CNTNAP2: variants seen among roughly 807,000 people sequenced by gnomAD.
CNTNAP2 encodes contactin associated protein 2, also known as contactin-associated protein-like 2.
CNTNAP2 carries 98 observed loss-of-function variants against 155.2 expected under a neutral mutation model. The ratio of observed to expected loss-of-function variants is 0.63; its 90% CI spans 0.54 to 0.75. The LOEUF is 0.75. CNTNAP2 is among the 30% of genes least tolerant of loss of function. CNTNAP2 has a pLI of 0.00. For synonymous variants in CNTNAP2, 651 were observed against 631.2 expected, an observed-to-expected ratio of 1.03 and a Z score of -0.47; for missense variants, 1,727 against 1,688.1, an observed-to-expected ratio of 1.02 and a Z score of -0.40.
chr7:146,972,092 C>G (rs1477384049), intron 3 of CNTNAP2, among the ~76,000 whole-genome samples: 1 of 151,990 alleles, frequency 6.6e-6, no homozygotes, highest in Non-Finnish European at 1.5e-5. Context: ...GACAAGATAA[C>G]CAGCTACAAT....
intron 14 of CNTNAP2, among the ~76,000 whole-genome samples, chr7:147,943,055 G>T (rs370142818): frequency 1.3e-5 from 2 of 151,204 alleles, no homozygotes; most frequent in African/African-American, 2.4e-5. Flanking sequence ...AAAAATCCCC[G>T]CTTCCAACAG....
chr7:147,129,856 C>A (rs180727091), intron 7 of CNTNAP2, among the ~76,000 whole-genome samples: 34 of 152,090 alleles, frequency 2.2e-4, no homozygotes, highest in Admixed American at 1.6e-3. Flanking sequence ...TTAAAGTAAT[C>A]ATAAATTTAT....
At chr7:148,131,849 TA>T (rs566939363) in intron 16 of CNTNAP2, among the ~76,000 whole-genome samples, 4,563 of 146,110 alleles carry the variant, frequency 0.031, 101 homozygotes, top group Non-Finnish European at 0.049. Context: ...AAGCTGGCTT[TA>T]AAAAAAAAAA....
At chr7:147,438,949 A>G (rs1349041442) in intron 10 of CNTNAP2, among the ~76,000 whole-genome samples, 1 of 151,514 alleles carries the variant, frequency 6.6e-6, no homozygotes, top group African/African-American at 2.4e-5. Flanking sequence ...CTCCTTTTTC[A>G]TCCTGATTTT....
At chr7:146,867,040 G>T (rs900865379) in intron 3 of CNTNAP2, among the ~76,000 whole-genome samples, 2 of 151,990 alleles carry the variant, frequency 1.3e-5, no homozygotes, top group African/African-American at 4.8e-5. Context: ...TTTAGGTTTG[G>T]TGGGTACATG....
intron 15 of CNTNAP2, among the ~76,000 whole-genome samples, chr7:147,992,774 T>C (rs1397458394): frequency 6.6e-6 from 1 of 152,226 alleles, no homozygotes; most frequent in Non-Finnish European, 1.5e-5. Context: ...CATGTGCCAA[T>C]TAAGATTCTA....
intron 21 of CNTNAP2, among the ~76,000 whole-genome samples, chr7:148,381,744 C>T (rs1055093392): frequency 3.3e-5 from 5 of 152,166 alleles, no homozygotes; most frequent in African/African-American, 9.7e-5. Context: ...GACAGGGACC[C>T]GCCCCTTTCT....
chr7:147,902,562 C>T (rs1229171095), intron 13 of CNTNAP2, among the ~76,000 whole-genome samples: 1 of 151,834 alleles, frequency 6.6e-6, no homozygotes, highest in African/African-American at 2.4e-5. Flanking sequence ...ACCCCCTTCC[C>T]ACCCTTTCAC....
intron 13 of CNTNAP2, among the ~76,000 whole-genome samples, chr7:147,862,889 T>C (rs1174594388): frequency 6.6e-6 from 1 of 151,960 alleles, no homozygotes; most frequent in Non-Finnish European, 1.5e-5. Context: ...TCCAAGAAAT[T>C]AACCGTTTAT....
chr7:146,265,333 G>A (rs560178864), intron 1 of CNTNAP2, among the ~76,000 whole-genome samples: 4 of 152,094 alleles, frequency 2.6e-5, no homozygotes, highest in African/African-American at 9.6e-5. Context: ...AATTACAAGT[G>A]GATTTGTGAC....
At chr7:147,566,327 G>T (rs1800169644) in intron 12 of CNTNAP2, among the ~76,000 whole-genome samples, 1 of 123,086 alleles carries the variant, frequency 8.1e-6, no homozygotes, top group African/African-American at 3.1e-5. Context: ...GAGGAGGAGG[G>T]GTAGAGGGAG....
At chr7:146,647,493 T>C (rs1259145511) in intron 1 of CNTNAP2, among the ~76,000 whole-genome samples, 1 of 152,194 alleles carries the variant, frequency 6.6e-6, no homozygotes, top group Non-Finnish European at 1.5e-5. Context: ...TCTTGGTTGT[T>C]ACTAGGCCAT....
chr7:146,470,131 G>C (rs77668678), intron 1 of CNTNAP2, among the ~76,000 whole-genome samples: 8 of 152,064 alleles, frequency 5.3e-5, no homozygotes, highest in African/African-American at 1.9e-4. Flanking sequence ...GAGCCACTGC[G>C]CGCGGCCTTA....
chr7:147,029,212 C>T (rs967937960), intron 3 of CNTNAP2, among the ~76,000 whole-genome samples: 1 of 152,080 alleles, frequency 6.6e-6, no homozygotes, highest in Non-Finnish European at 1.5e-5. Context: ...ATCCACCCGC[C>T]TCGGCCTCCC....
At chr7:147,214,066 C>T (rs1401258315) in intron 8 of CNTNAP2, among the ~76,000 whole-genome samples, 1 of 152,094 alleles carries the variant, frequency 6.6e-6, no homozygotes, top group African/African-American at 2.4e-5. Context: ...ACAGAAAAAC[C>T]CAGAAATAAT....
chr7:146,144,462 A>C (rs1206380750), intron 1 of CNTNAP2, among the ~76,000 whole-genome samples: 5 of 152,180 alleles, frequency 3.3e-5, no homozygotes, highest in Non-Finnish European at 5.9e-5. Flanking sequence ...ACTTTTAATA[A>C]ATTTAAAAAA....
At chr7:146,988,922 G>T (rs911429240) in intron 3 of CNTNAP2, among the ~76,000 whole-genome samples, 3 of 152,150 alleles carry the variant, frequency 2.0e-5, no homozygotes, top group Non-Finnish European at 4.4e-5. Flanking sequence ...GTGTTTTTCA[G>T]CTTCCTGATG....
chr7:147,045,376 G>T (rs961803568), intron 4 of CNTNAP2, among the ~76,000 whole-genome samples: 1 of 152,110 alleles, frequency 6.6e-6, no homozygotes, highest in African/African-American at 2.4e-5. Context: ...TTTAGTAACA[G>T]AAATTGGTCA....
At chr7:148,229,587 T>A (rs1795922323) in intron 19 of CNTNAP2, 59 bp from the exon 20 acceptor site, 1 of 1,579,654 alleles carries the variant, frequency 6.3e-7, no homozygotes, top group South Asian at 1.1e-5. Flanking sequence ...TGAGGGGATG[T>A]GACATTAAAA....
Sources: allele counts gnomAD v4.1 joint callset (sites outside exome capture counted in the v4.1 genomes callset), GRCh38; gene constraint gnomAD v4.1.1; transcripts MANE v1.5; gene names NCBI Gene and HGNC (gene_info 2026-07-23, HGNC 2026-07-21).